The following PIK3AP1 variants were observed in gnomAD, a reference collection of about 807,000 sequenced individuals.
The protein encoded by PIK3AP1 is phosphoinositide 3-kinase adapter protein 1.
Under a neutral mutation model 88.1 loss-of-function variants are expected in PIK3AP1, and 21 were observed. That is an observed-to-expected ratio of 0.24 (90% confidence interval 0.17 to 0.34). PIK3AP1 has a LOEUF of 0.34. Among genes scored for constraint, PIK3AP1 ranks in the 10% least tolerant of loss-of-function variants. The pLI, the probability that PIK3AP1 is intolerant of heterozygous loss-of-function variation, is 1.00. For synonymous variants in PIK3AP1, 398 were observed against 400.0 expected (o/e 1.00, Z 0.06); for missense variants, 828 against 1,035.7 (o/e 0.80, Z 2.75).
At chr10:96,712,739 A>G (rs1387772296) in intron 1 of PIK3AP1, among the ~76,000 whole-genome samples, 1 of 152,266 alleles carries the variant, frequency 6.6e-6, no homozygotes, top group African/African-American at 2.4e-5. Flanking sequence ...GGCACGAGCC[A>G]TCAGGTAGGA....
chr10:96,691,535 T>C (rs2134274309), intron 2 of PIK3AP1, among the ~76,000 whole-genome samples: 1 of 152,268 alleles, frequency 6.6e-6, no homozygotes, highest in East Asian at 1.9e-4. Flanking sequence ...GGGACCTAAT[T>C]GCAATAATTC....
In PIK3AP1 at chr10:96,595,409, T is replaced by A. The variant is rs1223552650; in HGVS notation, c.*168A>T. ...AGTTTTTCACTTCTTCGTGCCTTAA[T>A]AAAATCTTCGAGGCAAGCCCAAACC... On this transcript the variant is annotated 3_prime_UTR_variant, in exon 17 of 17. Transcript: ENST00000339364. The A allele has an allele frequency of 2.9e-6, 2 of 695,872 alleles. No homozygotes were observed. The highest frequency in any genetic ancestry group is 4.8e-6 in the Non-Finnish European group (2 of 414,598). The allele number at this position is 695,872 out of a possible 1,614,324, so 43.1% of individuals were successfully genotyped here.
In PIK3AP1 at chr10:96,604,034, C is replaced by T. The variant is rs569632623; in HGVS notation, c.2186G>A (p.Arg729His). 1.2e-4 allele frequency: 200 copies of T among 1,604,524 alleles called. No individual in the cohort carries two copies. The Admixed American group carries it at 3.2e-3, about 26-fold the overall frequency. The part of the protein sequence containing the change: ...TSSTASSTSN[R>H]SSTRSLLSVS... ...ACTGAGGAGGCTCCGGGTGCTGGAG[C>T]GGTTACTTGTGCTACCTAAAGGGTA... The change falls in exon 15 of 17, where the codon CGC becomes CAC. Residue 729 changes from arginine to histidine, a missense_variant. Physicochemically the swap from Arg to His is conservative, Grantham distance 29. Around this residue, in one of 3 missense-constraint regions of PIK3AP1, gnomAD observed 191 missense variants for 208.6 expected, o/e 0.92. Transcript: ENST00000339364.
intron 7 of PIK3AP1, among the ~76,000 whole-genome samples, chr10:96,647,795 A>G (rs1250664541): frequency 6.6e-6 from 1 of 152,198 alleles, no homozygotes; most frequent in Non-Finnish European, 1.5e-5. Context: ...TCACAGCCCC[A>G]TGCGAGAGGC....
chr10:96,606,274 C>T (rs1022416536), intron 14 of PIK3AP1, among the ~76,000 whole-genome samples: 10 of 152,212 alleles, frequency 6.6e-5, no homozygotes, highest in Non-Finnish European at 1.5e-4. Context: ...CCCACATTCC[C>T]CCAACTAAAA....
At chr10:96,597,378 T>C (rs1259736534) in intron 16 of PIK3AP1, among the ~76,000 whole-genome samples, 21 of 93,186 alleles carry the variant, frequency 2.3e-4, no homozygotes, top group African/African-American at 5.2e-4. Flanking sequence ...CTCTCTCTCT[T>C]TCTTTCTTTC....
intron 2 of PIK3AP1, among the ~76,000 whole-genome samples, chr10:96,671,249 G>T (rs1843841967): frequency 6.6e-6 from 1 of 152,220 alleles, no homozygotes; most frequent in Admixed American, 6.5e-5. Flanking sequence ...TGGGTTCACA[G>T]GGTTGGAGGT....
rs980412815 is a variant in PIK3AP1, at chr10:96,594,103, G to A, written c.*1474C>T. ...CATCATTAAGGACCTCTGATTTGAA[G>A]GTAGATTTATGTGCCAGGGACTCCA... On this transcript the variant is annotated 3_prime_UTR_variant, in exon 17 of 17. Coordinates refer to ENST00000339364, the MANE Select transcript of PIK3AP1 (RefSeq NM_152309.3). This position sits in a 1 kb window ranked among gnomAD's most constrained non-coding sequence, Gnocchi z 4.6. 6.6e-6 allele frequency: 1 copy of A among 152,108 alleles called. No homozygotes were observed. Among genetic ancestry groups the A allele is most frequent in the African/African-American group, 2.4e-5 (1 of 41,398 alleles). 9.4% of individuals were successfully genotyped at this position (152,108 alleles called of 1,614,324 possible).
At chr10:96,666,929 A>C (rs1457731749) in intron 2 of PIK3AP1, among the ~76,000 whole-genome samples, 1 of 152,024 alleles carries the variant, frequency 6.6e-6, no homozygotes, top group East Asian at 1.9e-4. Context: ...GGGCAGTGGA[A>C]GGTATCACTT....
At chr10:96,685,835 C>A (rs917016895) in intron 2 of PIK3AP1, among the ~76,000 whole-genome samples, 1 of 152,138 alleles carries the variant, frequency 6.6e-6, no homozygotes. Context: ...ACATGTGTGC[C>A]CATCCCTGCT....
At chr10:96,620,944 C>A in intron 11 of PIK3AP1, 2 of 183,764 alleles carry the variant, frequency 1.1e-5, no homozygotes, top group South Asian at 2.2e-4. Context: ...GAGAGATGGT[C>A]AGTGAATTCC....
At chr10:96,711,557 T>A (rs753937415) in intron 1 of PIK3AP1, among the ~76,000 whole-genome samples, 7 of 152,118 alleles carry the variant, frequency 4.6e-5, no homozygotes, top group Non-Finnish European at 8.8e-5. Flanking sequence ...CGCATTTCAT[T>A]GATGCTTCCT....
intron 2 of PIK3AP1, among the ~76,000 whole-genome samples, chr10:96,667,198 A>G (rs1260388366): frequency 6.6e-6 from 1 of 152,192 alleles, no homozygotes; most frequent in East Asian, 1.9e-4. Flanking sequence ...CCATTTTCCA[A>G]CTGAGCTTTC....
At position 96,656,929 on chromosome 10, in the gene PIK3AP1, C is replaced by A; in HGVS notation, c.436G>T (p.Gly146Cys). 1 of 1,611,998 alleles carries A rather than the reference C, an allele frequency of 6.2e-7. No homozygotes were observed. The highest frequency in any genetic ancestry group is 8.5e-7 in the Non-Finnish European group (1 of 1,178,928). The change falls in exon 3 of 17, where the codon GGC (glycine) becomes TGC (cysteine). Residue 146 changes from glycine (G) to cysteine (C), a missense_variant. Physicochemically the swap from Gly to Cys is radical, Grantham distance 159. Coordinates refer to ENST00000339364, the MANE Select transcript of PIK3AP1 (RefSeq NM_152309.3). ...AVKKAISEDS[G>C]CDSVTDTEPE... is the part of the protein sequence containing the mutation. Reference sequence around the variant, plus strand: ...TCAGTGTCAGTGACTGAGTCACAGCCAGAATCTACAAAATAGAGGACACCG... The same window carrying A: ...TCAGTGTCAGTGACTGAGTCACAGCAAGAATCTACAAAATAGAGGACACCG...
At position 96,709,869 on chromosome 10, in the gene PIK3AP1, A is replaced by C; in HGVS notation, c.128T>G (p.Leu43Arg). The C allele has an allele frequency of 6.2e-7, 1 of 1,613,908 alleles. No individual in the cohort carries two copies. Among genetic ancestry groups the C allele is most frequent in the Non-Finnish European group, 8.5e-7 (1 of 1,179,994 alleles). The change falls in exon 2 of 17, where the codon CTG becomes CGG. Residue 43 changes from leucine to arginine, a missense_variant. Around this residue, in one of 3 missense-constraint regions of PIK3AP1, gnomAD observed 610 missense variants for 760.1 expected, o/e 0.80. Transcript: ENST00000339364. ...SSRQVRSQKI[L>R]THRLGPEASF... Reference sequence around the variant, plus strand: ...GGCCTCGGGGCCCAGCCTGTGAGTCAGTATCTTCTGGCTGCGGACCTGCCG... The same window carrying C: ...GGCCTCGGGGCCCAGCCTGTGAGTCCGTATCTTCTGGCTGCGGACCTGCCG...
chr10:96,719,773 C>T (rs997226940), intron 1 of PIK3AP1, among the ~76,000 whole-genome samples: 3 of 152,172 alleles, frequency 2.0e-5, no homozygotes, highest in African/African-American at 7.2e-5. Flanking sequence ...TACCCAGTGA[C>T]CGCCAACTCT....
Position 96,595,312 on chromosome 10 carries a change from C to T in PIK3AP1, c.*265G>A, listed in dbSNP as rs1848736144. On this transcript the variant is annotated 3_prime_UTR_variant, in exon 17 of 17. Coordinates refer to ENST00000339364, the MANE Select transcript of PIK3AP1 (RefSeq NM_152309.3). ...TATGGCAAATTAGAGGTAAGTATTTCGATTAAGTCTTCATCCTTTTGGCAA... is the reference window on the plus strand; with the variant it reads ...TATGGCAAATTAGAGGTAAGTATTTTGATTAAGTCTTCATCCTTTTGGCAA... The T allele has an allele frequency of 1.1e-5, 5 of 444,726 alleles. No individual in the cohort carries two copies. The highest frequency in any genetic ancestry group is 3.8e-5 in the South Asian group (1 of 26,430). 27.5% of individuals were successfully genotyped at this position (444,726 alleles called of 1,614,324 possible).
chr10:96,694,647 C>A (rs1844197963), intron 2 of PIK3AP1, among the ~76,000 whole-genome samples: 2 of 151,742 alleles, frequency 1.3e-5, no homozygotes, highest in African/African-American at 2.4e-5. Context: ...GATCCTCCCA[C>A]CTCAGTCTCT....
At chr10:96,596,395 T>C (rs1404683963) in intron 16 of PIK3AP1, among the ~76,000 whole-genome samples, 1 of 152,260 alleles carries the variant, frequency 6.6e-6, no homozygotes, top group African/African-American at 2.4e-5. Context: ...TATGGGTTGA[T>C]GTACCCCTGT....
Sources: allele counts gnomAD v4.1 joint callset (sites outside exome capture counted in the v4.1 genomes callset), GRCh38; gene constraint gnomAD v4.1.1; regional missense constraint gnomAD v4.1.1; non-coding constraint Gnocchi (gnomAD v3.1); transcripts MANE v1.5; gene names NCBI Gene and HGNC (gene_info 2026-07-23, HGNC 2026-07-21).